The following CXADR variants were observed in gnomAD, a reference collection of about 807,000 sequenced individuals.
CXADR encodes CXADR cell adhesion molecule, also known as coxsackievirus and adenovirus receptor.
A neutral mutation model predicts 40.3 loss-of-function variants in CXADR; 20 were observed. The observed-to-expected ratio is 0.50, with a 90% CI of 0.35 to 0.72. The LOEUF (loss-of-function observed/expected upper bound fraction) is 0.72, where lower values mean the gene tolerates loss of function less well. Among genes scored for constraint, CXADR ranks in the 30% least tolerant of loss-of-function variants. The probability of loss-of-function intolerance (pLI) is 0.01; values close to 1 mark genes in which losing one functional copy is unlikely to be tolerated. For synonymous variants in CXADR, 150 were observed against 161.3 expected (o/e 0.93, Z 0.53); for missense variants, 332 against 449.1 (o/e 0.74, Z 2.36).
intron 7 of CXADR, among the ~76,000 whole-genome samples, chr21:17,586,627 G>A (rs1487454057): frequency 6.6e-6 from 1 of 151,540 alleles, no homozygotes; most frequent in Non-Finnish European, 1.5e-5. Context: ...TAACTTACGT[G>A]ATTTCTTTAA....
chr21:17,549,826 C>T (rs1198297942), intron 2 of CXADR, among the ~76,000 whole-genome samples: 1 of 152,118 alleles, frequency 6.6e-6, no homozygotes, highest in Non-Finnish European at 1.5e-5. Context: ...TTAGATTCCA[C>T]AGGCAAATTA....
At chr21:17,550,319 A>ACTC (rs1419044169) in intron 2 of CXADR, among the ~76,000 whole-genome samples, 1 of 144,216 alleles carries the variant, frequency 6.9e-6, no homozygotes, top group Non-Finnish European at 1.5e-5. Flanking sequence ...GCACCACTGC[A>ACTC]CTCCTGCCTG....
At chr21:17,538,416 G>T (rs2060787096) in intron 1 of CXADR, among the ~76,000 whole-genome samples, 1 of 152,306 alleles carries the variant, frequency 6.6e-6, no homozygotes, top group African/African-American at 2.4e-5. Context: ...GTGCTAGAGG[G>T]TGGCTAGTCA....
At chr21:17,584,355 C>T (rs1410936154) in intron 7 of CXADR, among the ~76,000 whole-genome samples, 2 of 152,130 alleles carry the variant, frequency 1.3e-5, no homozygotes, top group African/African-American at 2.4e-5. Context: ...TCTGTAACAG[C>T]GATGTGAAGA....
chr21:17,546,521 G>A (rs914324916), intron 1 of CXADR, among the ~76,000 whole-genome samples: 1 of 152,190 alleles, frequency 6.6e-6, no homozygotes, highest in Non-Finnish European at 1.5e-5. Context: ...GAGCAGAGAA[G>A]GGGGAGGTGC....
chr21:17,621,975 C>T, the CXADR span, among the ~76,000 whole-genome samples: 1 of 152,080 alleles, frequency 6.6e-6, no homozygotes, highest in Non-Finnish European at 1.5e-5. Flanking sequence ...GGTTGGGCTC[C>T]CAGCTGAAAG....
At chr21:17,545,603 TG>T (rs1203349331) in intron 1 of CXADR, among the ~76,000 whole-genome samples, 6 of 151,872 alleles carry the variant, frequency 4.0e-5, no homozygotes, top group Admixed American at 2.6e-4. Flanking sequence ...GGCTAACTTT[TG>T]TATTTTTGGT....
rs146154597 is a variant in CXADR, at chr21:17,542,168, TA to T, written c.44-4858del. 1.3e-3 allele frequency: 240 copies of T among 190,824 alleles called. 6 individuals carry two copies. In the East Asian group the frequency reaches 0.037, roughly 29 times the overall value. 11.8% of individuals were successfully genotyped at this position (190,824 alleles called of 1,614,324 possible). On this transcript the variant is annotated intron_variant, in intron 1 of 6. Transcript: ENST00000284878. ...AAACATTATTAAAAATTCTCATGTTTACTTCTCTTTTTAAAAAACTAGTGAT... is the reference window on the plus strand; with the variant it reads ...AAACATTATTAAAAATTCTCATGTTTCTTCTCTTTTTAAAAAACTAGTGAT...
At chr21:17,556,326 A>G (rs3792563) in intron 3 of CXADR, among the ~76,000 whole-genome samples, 3,328 of 152,246 alleles carry the variant, frequency 0.022, 125 homozygotes, top group East Asian at 0.16. Context: ...CAGGTGGGCC[A>G]CTCCAAAGTG....
the CXADR span, among the ~76,000 whole-genome samples, chr21:17,620,569 G>T: frequency 8.5e-5 from 13 of 152,178 alleles, no homozygotes; most frequent in Non-Finnish European, 1.5e-4. Context: ...ACAAGCTGTT[G>T]GAAAAATGAT....
the CXADR span, among the ~76,000 whole-genome samples, chr21:17,603,897 A>G: frequency 1.3e-5 from 2 of 152,222 alleles, no homozygotes; most frequent in African/African-American, 4.8e-5. Context: ...CATAAATCAG[A>G]TAACAATGTA....
the CXADR span, among the ~76,000 whole-genome samples, chr21:17,611,107 G>A: frequency 6.6e-6 from 1 of 152,208 alleles, no homozygotes; most frequent in African/African-American, 2.4e-5. Context: ...CACCACGACT[G>A]CTGTGCAGCC....
At chr21:17,594,761 G>A (rs532831419), downstream of CXADR, among the ~76,000 whole-genome samples, 63 of 151,794 alleles carry the variant, frequency 4.2e-4, no homozygotes, top group African/African-American at 1.5e-3. Flanking sequence ...ATCAACTACC[G>A]CATGTTCTCA....
chr21:17,624,509 A>G, the CXADR span, among the ~76,000 whole-genome samples: 5 of 152,066 alleles, frequency 3.3e-5, no homozygotes, highest in African/African-American at 9.7e-5. Context: ...AGTGCATGCT[A>G]TCCTCATGTT....
At chr21:17,561,956 C>A (rs1277650224) in intron 6 of CXADR, among the ~76,000 whole-genome samples, 1 of 151,958 alleles carries the variant, frequency 6.6e-6, no homozygotes, top group Non-Finnish European at 1.5e-5. Flanking sequence ...GACTTCACAC[C>A]CTAGAAATTG....
intron 1 of CXADR, among the ~76,000 whole-genome samples, chr21:17,521,489 A>T (rs536724874): frequency 1.3e-5 from 2 of 152,038 alleles, no homozygotes; most frequent in African/African-American, 4.8e-5. Flanking sequence ...CACCTGGCTA[A>T]TTTTTTTATT....
At chr21:17,546,959 C>A in intron 1 of CXADR, 68 bp from the exon 2 acceptor site, 2 of 1,567,956 alleles carry the variant, frequency 1.3e-6, no homozygotes, top group Non-Finnish European at 1.7e-6. Context: ...TTCTGAATGG[C>A]TGCGGGGCAC....
chr21:17,585,355 G>A (rs377226550), intron 7 of CXADR, among the ~76,000 whole-genome samples: 10 of 152,018 alleles, frequency 6.6e-5, no homozygotes, highest in Admixed American at 5.3e-4. Flanking sequence ...AAACAATGGC[G>A]TAAGAAAACA....
At chr21:17,588,413 GC>G (rs1357062188) in intron 7 of CXADR, among the ~76,000 whole-genome samples, 1 of 152,132 alleles carries the variant, frequency 6.6e-6, no homozygotes, top group Admixed American at 6.5e-5. Flanking sequence ...ATTTCATTGA[GC>G]AGTGGTTTGT....
Sources: gnomAD v4.1 joint callset for allele counts (sites outside exome capture counted in the v4.1 genomes callset) on GRCh38, gnomAD v4.1.1 for gene constraint, MANE v1.5 for transcripts, NCBI Gene and HGNC (gene_info 2026-07-23, HGNC 2026-07-21) for gene names.